Variants in ANKRD44 observed in about 807,000 individuals in gnomAD.
ANKRD44 encodes ankyrin repeat domain 44, also known as serine/threonine-protein phosphatase 6 regulatory ankyrin repeat subunit B.
A neutral mutation model predicts 116.0 loss-of-function variants in ANKRD44; 35 were observed. That is an observed-to-expected ratio of 0.30 (90% CI 0.23 to 0.40). ANKRD44 has a LOEUF of 0.40. Ranked by LOEUF, ANKRD44 falls within the 10% of genes least tolerant of loss-of-function variation. The probability of loss-of-function intolerance (pLI) is 1.00; values close to 1 mark genes in which losing one functional copy is unlikely to be tolerated. For missense variants in ANKRD44, 1,014 were observed against 1,242.6 expected (o/e 0.82, Z 2.77); for synonymous variants, 435 against 461.8 (o/e 0.94, Z 0.74).
At chr2:197,038,003 G>A (rs2076838828) in intron 16 of ANKRD44, among the ~76,000 whole-genome samples, 1 of 152,156 alleles carries the variant, frequency 6.6e-6, no homozygotes, top group African/African-American at 2.4e-5. Flanking sequence ...GAGGTTGGGA[G>A]GAGGGATGAG....
At chr2:197,274,001 A>C (rs993437364) in intron 1 of ANKRD44, among the ~76,000 whole-genome samples, 114 of 52,774 alleles carry the variant, frequency 2.2e-3, no homozygotes, top group Non-Finnish European at 2.6e-3. Context: ...ATATATATAT[A>C]TATATATATA....
chr2:196,987,839 C>T lies in ANKRD44; in HGVS notation c.*1752G>A. ...AGCAACTAAGACTCAGTTAAAAACACATTTTTTTTTCTTAGAAAGCTATGG... is the reference window on the plus strand; with the variant it reads ...AGCAACTAAGACTCAGTTAAAAACATATTTTTTTTTCTTAGAAAGCTATGG... On this transcript the variant is annotated 3_prime_UTR_variant, in exon 28 of 28. Coordinates refer to ENST00000282272, the MANE Select transcript of ANKRD44 (RefSeq NM_001195144.2). 1 of 973,260 alleles carries T rather than the reference C, an allele frequency of 1.0e-6. No individual in the cohort carries two copies. Among genetic ancestry groups the T allele is most frequent in the Non-Finnish European group, 1.2e-6 (1 of 821,488 alleles). The allele number at this position is 973,260 out of a possible 1,614,324, so 60.3% of individuals were successfully genotyped here. A position where few individuals can be genotyped will look rare whatever the true frequency, so the allele number is the denominator to read the frequency against.
At chr2:197,010,659 T>C (rs966883748) in intron 18 of ANKRD44, among the ~76,000 whole-genome samples, 4 of 152,012 alleles carry the variant, frequency 2.6e-5, no homozygotes, top group African/African-American at 7.3e-5. Context: ...ATGATAGGCA[T>C]GACTTCCCAC....
chr2:197,116,827 T>C (rs1216863795), intron 8 of ANKRD44, among the ~76,000 whole-genome samples: 1 of 152,202 alleles, frequency 6.6e-6, no homozygotes, highest in African/African-American at 2.4e-5. Flanking sequence ...ACTATTGGGC[T>C]TCTCAGACTG....
chr2:197,278,629 C>T (rs1342539590), intron 1 of ANKRD44, among the ~76,000 whole-genome samples: 1 of 152,224 alleles, frequency 6.6e-6, no homozygotes, highest in Non-Finnish European at 1.5e-5. Context: ...GGCCACTGCG[C>T]CCATCCACAA....
chr2:197,175,325 A>G (rs2080339696), intron 2 of ANKRD44, among the ~76,000 whole-genome samples: 1 of 152,190 alleles, frequency 6.6e-6, no homozygotes, highest in South Asian at 2.1e-4. Context: ...AATAAAACGC[A>G]TGCCTGCTCA....
At chr2:197,140,233 A>G (rs1376001637) in intron 3 of ANKRD44, among the ~76,000 whole-genome samples, 2 of 152,112 alleles carry the variant, frequency 1.3e-5, no homozygotes, top group East Asian at 3.8e-4. Flanking sequence ...AAGCCTCTAA[A>G]GTGTGCCGGT....
At chr2:197,061,521 T>C (rs1448261237) in intron 16 of ANKRD44, among the ~76,000 whole-genome samples, 1 of 151,912 alleles carries the variant, frequency 6.6e-6, no homozygotes, top group Non-Finnish European at 1.5e-5. Flanking sequence ...AAGAAGAAAA[T>C]AGTGGGTGTC....
At chr2:197,224,767 G>A (rs769975392) in intron 1 of ANKRD44, among the ~76,000 whole-genome samples, 2 of 152,152 alleles carry the variant, frequency 1.3e-5, no homozygotes, top group African/African-American at 2.4e-5. Context: ...AAGGTGAAGG[G>A]TTGGTAATGA....
At chr2:197,213,658 T>C (rs1451697320) in intron 1 of ANKRD44, among the ~76,000 whole-genome samples, 1 of 152,182 alleles carries the variant, frequency 6.6e-6, no homozygotes, top group Non-Finnish European at 1.5e-5. Context: ...AAAACTATTA[T>C]TGAGCAAATA....
At chr2:197,016,369 AAAAATTAAGGCATTTTT>A (rs2076393825) in intron 17 of ANKRD44, among the ~76,000 whole-genome samples, 1 of 152,188 alleles carries the variant, frequency 6.6e-6, no homozygotes, top group Admixed American at 6.5e-5. Flanking sequence ...ATGAGGATTA[AAAAATTAAGGCATTTTT>A]AACTTTCAAT....
chr2:197,241,631 AC>A (rs765471926), intron 1 of ANKRD44, among the ~76,000 whole-genome samples: 8 of 152,338 alleles, frequency 5.3e-5, no homozygotes, highest in South Asian at 2.1e-4. Context: ...TTTAAAAAAA[AC>A]ATTTGAATCT....
chr2:197,025,705 G>T (rs577769472), intron 16 of ANKRD44, among the ~76,000 whole-genome samples: 3 of 152,330 alleles, frequency 2.0e-5, no homozygotes, highest in South Asian at 2.1e-4. Context: ...TAAAATACGG[G>T]GATGTGATAT....
At chr2:197,270,230 G>A (rs2082859717) in intron 1 of ANKRD44, among the ~76,000 whole-genome samples, 1 of 152,080 alleles carries the variant, frequency 6.6e-6, no homozygotes, top group African/African-American at 2.4e-5. Flanking sequence ...TGAGAGTGCA[G>A]GTAAAGATCA....
At chr2:197,000,619 G>A (rs1180010452) in intron 22 of ANKRD44, 117 bp from the exon 23 acceptor site, 11 of 794,230 alleles carry the variant, frequency 1.4e-5, no homozygotes, top group Non-Finnish European at 6.2e-6. Flanking sequence ...AAAATCGAAC[G>A]TAAATATTTG....
intron 1 of ANKRD44, among the ~76,000 whole-genome samples, chr2:197,261,142 A>G (rs1482876538): frequency 6.6e-6 from 1 of 151,216 alleles, no homozygotes; most frequent in Non-Finnish European, 1.5e-5. Flanking sequence ...TTAGACATGA[A>G]GTCCTTGCCC....
chr2:197,158,522 C>G (rs768498580), intron 2 of ANKRD44, among the ~76,000 whole-genome samples: 23 of 152,140 alleles, frequency 1.5e-4, no homozygotes, highest in Non-Finnish European at 1.9e-4. Flanking sequence ...ACATAATCAT[C>G]TGGGAAACTA....
intron 9 of ANKRD44, among the ~76,000 whole-genome samples, chr2:197,107,077 A>G (rs867919945): frequency 6.6e-6 from 1 of 152,180 alleles, no homozygotes; most frequent in Non-Finnish European, 1.5e-5. Flanking sequence ...GAAAATAAAC[A>G]TTTGCCAGTT....
At chr2:197,158,615 A>G (rs923752044) in intron 2 of ANKRD44, among the ~76,000 whole-genome samples, 1 of 152,242 alleles carries the variant, frequency 6.6e-6, no homozygotes, top group Non-Finnish European at 1.5e-5. Context: ...AAAGTTTGTC[A>G]TCAGATAAAT....
Sources: allele counts gnomAD v4.1 joint callset (sites outside exome capture counted in the v4.1 genomes callset), GRCh38; gene constraint gnomAD v4.1.1; transcripts MANE v1.5; gene names NCBI Gene and HGNC (gene_info 2026-07-23, HGNC 2026-07-21).